The following SORCS3 variants were observed in gnomAD, a reference collection of about 807,000 sequenced individuals.
SORCS3 encodes VPS10 domain-containing receptor SorCS3.
Under a neutral mutation model 146.3 loss-of-function variants are expected in SORCS3, and 57 were observed. That is an observed-to-expected ratio of 0.39 (90% confidence interval 0.31 to 0.49). The LOEUF is 0.49. Among genes scored for constraint, SORCS3 ranks in the 20% least tolerant of loss-of-function variants. SORCS3 has a pLI of 0.92. For missense variants in SORCS3, 1,341 were observed against 1,575.5 expected, an observed-to-expected ratio of 0.85 and a Z score of 2.52; for synonymous variants, 653 against 618.5, an observed-to-expected ratio of 1.06 and a Z score of -0.83.
intron 8 of SORCS3, among the ~76,000 whole-genome samples, chr10:105,146,729 T>C (rs2056133883): frequency 6.6e-6 from 1 of 152,146 alleles, no homozygotes; most frequent in South Asian, 2.1e-4. Flanking sequence ...TGAAACAGAT[T>C]GATAAACTTC....
chr10:104,728,179 T>G (rs2016664703), intron 1 of SORCS3, among the ~76,000 whole-genome samples: 1 of 152,150 alleles, frequency 6.6e-6, no homozygotes. Flanking sequence ...TTTCAGAAAT[T>G]TTGCTCTTAT....
chr10:105,069,864 T>C (rs796322467), intron 5 of SORCS3, among the ~76,000 whole-genome samples: 1 of 152,176 alleles, frequency 6.6e-6, no homozygotes, highest in South Asian at 2.1e-4. Context: ...TGCATACTCC[T>C]GGCAAGTTGG....
chr10:105,155,505 GA>G (rs747176511), intron 9 of SORCS3, among the ~76,000 whole-genome samples: 2 of 152,188 alleles, frequency 1.3e-5, no homozygotes, highest in Non-Finnish European at 2.9e-5. Flanking sequence ...ACAGAACACT[GA>G]AAGGCCTCCA....
chr10:104,675,058 T>C (rs886940257), intron 1 of SORCS3, among the ~76,000 whole-genome samples: 29 of 152,236 alleles, frequency 1.9e-4, no homozygotes, highest in Admixed American at 1.5e-3. Flanking sequence ...CCAGAGTGGT[T>C]GTACCGATTC....
chr10:105,008,839 G>T (rs2055113838), intron 4 of SORCS3, among the ~76,000 whole-genome samples: 1 of 152,054 alleles, frequency 6.6e-6, no homozygotes, highest in South Asian at 2.1e-4. Context: ...TAGAGACAGG[G>T]TTTCACCATG....
At chr10:104,796,247 C>T (rs1013509659) in intron 1 of SORCS3, among the ~76,000 whole-genome samples, 5 of 152,176 alleles carry the variant, frequency 3.3e-5, no homozygotes, top group Admixed American at 6.5e-5. Flanking sequence ...GTAGCTAGAA[C>T]GCTAAGTGGT....
chr10:105,052,594 C>G (rs2055420947), intron 5 of SORCS3, among the ~76,000 whole-genome samples: 1 of 152,058 alleles, frequency 6.6e-6, no homozygotes, highest in Admixed American at 6.6e-5. Flanking sequence ...GAGACTTTGA[C>G]TACTGCCATC....
At chr10:104,983,990 C>A (rs1018158987) in intron 4 of SORCS3, among the ~76,000 whole-genome samples, 1 of 152,148 alleles carries the variant, frequency 6.6e-6, no homozygotes, top group South Asian at 2.1e-4. Flanking sequence ...ACTCATGAAA[C>A]CAGCAACCTG....
At chr10:105,242,746 A>T (rs1222142642) in intron 20 of SORCS3, among the ~76,000 whole-genome samples, 8 of 100,994 alleles carry the variant, frequency 7.9e-5, no homozygotes, top group South Asian at 3.3e-4. Flanking sequence ...TTATATATTT[A>T]TATATATTTA....
At chr10:105,099,235 A>T (rs1486497635) in intron 6 of SORCS3, among the ~76,000 whole-genome samples, 1 of 152,194 alleles carries the variant, frequency 6.6e-6, no homozygotes, top group African/African-American at 2.4e-5. Flanking sequence ...TTTGAGAGTT[A>T]ATGTTACATA....
At chr10:104,777,225 G>C (rs2017320294) in intron 1 of SORCS3, among the ~76,000 whole-genome samples, 1 of 152,140 alleles carries the variant, frequency 6.6e-6, no homozygotes, top group Non-Finnish European at 1.5e-5. Context: ...TCATCATTTT[G>C]CAAATAAGGA....
chr10:105,135,579 T>G (rs2056053557), intron 7 of SORCS3, among the ~76,000 whole-genome samples: 1 of 152,168 alleles, frequency 6.6e-6, no homozygotes, highest in South Asian at 2.1e-4. Flanking sequence ...AAGTTCTGTT[T>G]CCCTTTCAAT....
chr10:104,795,610 C>T (rs72815628), intron 1 of SORCS3, among the ~76,000 whole-genome samples: 2,963 of 152,256 alleles, frequency 0.019, 40 homozygotes, highest in South Asian at 0.063. Flanking sequence ...GTAGAATGAT[C>T]GGCATTCCTG....
At chr10:105,019,367 G>A (rs1411858150) in intron 4 of SORCS3, among the ~76,000 whole-genome samples, 2 of 152,132 alleles carry the variant, frequency 1.3e-5, no homozygotes, top group African/African-American at 4.8e-5. Flanking sequence ...CTTCAGGTTG[G>A]CATTTGAGTC....
At chr10:104,987,881 G>C (rs535062627) in intron 4 of SORCS3, among the ~76,000 whole-genome samples, 3 of 152,228 alleles carry the variant, frequency 2.0e-5, no homozygotes, top group East Asian at 3.9e-4. Context: ...TGGAGCCAAG[G>C]GGTGTAGACA....
rs371912976 is a variant in SORCS3, at chr10:105,167,363, C to G, written c.1901+14C>G. ...CAGGCATTTGTGGTAAGGAGAGCTC[C>G]CTACCCTATTAATGAGCTAATGAGC... is the stretch of plus-strand genomic sequence containing the variant. On this transcript the variant is annotated intron_variant, in intron 13 of 26. Transcript: ENST00000369701. 1.9e-6 allele frequency: 3 copies of G among 1,605,102 alleles called. No homozygotes were observed. The South Asian group carries it at 3.3e-5, about 18-fold the overall frequency.
intron 1 of SORCS3, among the ~76,000 whole-genome samples, chr10:104,655,546 T>A (rs899842701): frequency 6.6e-6 from 1 of 152,198 alleles, no homozygotes; most frequent in East Asian, 1.9e-4. Flanking sequence ...AAATCATTTT[T>A]AAAAACCACA....
At chr10:105,097,638 A>G (rs791119) in intron 6 of SORCS3, among the ~76,000 whole-genome samples, 27,960 of 152,214 alleles carry the variant, frequency 0.18, 2,880 homozygotes, top group African/African-American at 0.24. Flanking sequence ...ACTAACAAAC[A>G]TAAGAAGTAT....
At chr10:104,754,526 A>C (rs755805935) in intron 1 of SORCS3, among the ~76,000 whole-genome samples, 1 of 152,072 alleles carries the variant, frequency 6.6e-6, no homozygotes, top group Non-Finnish European at 1.5e-5. Flanking sequence ...GGGGGGAAAA[A>C]CTTTACCCCC....
Sources: gnomAD v4.1 joint callset for allele counts (sites outside exome capture counted in the v4.1 genomes callset) on GRCh38, gnomAD v4.1.1 for gene constraint, MANE v1.5 for transcripts, NCBI Gene and HGNC (gene_info 2026-07-23, HGNC 2026-07-21) for gene names.